NRG1: variants seen among roughly 807,000 people sequenced by gnomAD.
NRG1 encodes the protein pro-neuregulin-1, membrane-bound isoform.
A neutral mutation model predicts 63.8 loss-of-function variants in NRG1; 18 were observed. The observed-to-expected ratio is 0.28, with a 90% CI of 0.19 to 0.42. The LOEUF (loss-of-function observed/expected upper bound fraction) is 0.42, where lower values mean the gene tolerates loss of function less well. NRG1 is among the 10% of genes least tolerant of loss of function. The pLI, the probability that NRG1 is intolerant of heterozygous loss-of-function variation, is 1.00. For synonymous variants in NRG1, 302 were observed against 301.3 expected (o/e 1.00, Z -0.02); for missense variants, 762 against 814.7 (o/e 0.94, Z 0.79).
intron 5 of NRG1, among the ~76,000 whole-genome samples, chr8:32,702,365 C>T (rs955944980): frequency 1.3e-5 from 2 of 152,222 alleles, no homozygotes; most frequent in African/African-American, 4.8e-5. Context: ...TAAAATCACA[C>T]TTGTATGAAA....
chr8:32,217,444 C>A (rs1004075986), intron 1 of NRG1, among the ~76,000 whole-genome samples: 12 of 152,116 alleles, frequency 7.9e-5, no homozygotes, highest in African/African-American at 2.9e-4. Flanking sequence ...TTTCTCTAAG[C>A]CAAGAGCTGG....
chr8:32,429,126 G>A (rs571893150), intron 1 of NRG1, among the ~76,000 whole-genome samples: 19 of 152,114 alleles, frequency 1.2e-4, no homozygotes, highest in Non-Finnish European at 1.9e-4. Flanking sequence ...AATGAAGTAC[G>A]GTTTTTTTTT....
chr8:32,180,050 C>G (rs368914675), intron 1 of NRG1, among the ~76,000 whole-genome samples: 1 of 152,018 alleles, frequency 6.6e-6, no homozygotes, highest in South Asian at 2.1e-4. Context: ...TCTTTTCTTA[C>G]TCTTTTATTT....
At chr8:32,450,487 GC>G (rs1820817138) in intron 1 of NRG1, among the ~76,000 whole-genome samples, 1 of 152,198 alleles carries the variant, frequency 6.6e-6, no homozygotes, top group African/African-American at 2.4e-5. Context: ...CGCAATTACA[GC>G]TTACTGCAGC....
At chr8:31,816,044 T>C (rs1316613882) in intron 1 of NRG1, among the ~76,000 whole-genome samples, 2 of 152,228 alleles carry the variant, frequency 1.3e-5, no homozygotes, top group African/African-American at 4.8e-5. Context: ...AGGAGTTCTC[T>C]ATATATTCTG....
At chr8:32,464,279 A>ACCC (rs144963557) in intron 1 of NRG1, among the ~76,000 whole-genome samples, 154 of 86,646 alleles carry the variant, frequency 1.8e-3, no homozygotes, top group African/African-American at 6.5e-3. Context: ...ACTTATCCCC[A>ACCC]CCCCCCCCCA....
At chr8:32,258,950 T>C (rs374412411) in intron 1 of NRG1, among the ~76,000 whole-genome samples, 1 of 152,278 alleles carries the variant, frequency 6.6e-6, no homozygotes, top group African/African-American at 2.4e-5. Flanking sequence ...TTGGGCAATA[T>C]TAGCATCCAA....
intron 1 of NRG1, among the ~76,000 whole-genome samples, chr8:31,718,665 A>G (rs1476433602): frequency 6.6e-6 from 1 of 152,258 alleles, no homozygotes; most frequent in African/African-American, 2.4e-5. Context: ...CAGAGATATA[A>G]CATTTCAACA....
intron 1 of NRG1, among the ~76,000 whole-genome samples, chr8:32,470,836 T>C (rs1478528906): frequency 6.6e-6 from 1 of 152,124 alleles, no homozygotes; most frequent in Non-Finnish European, 1.5e-5. Context: ...GGTTTTGCTC[T>C]GTAACCCAGT....
rs181969714 is a variant in NRG1 at position 32,467,996 on chromosome 8, T to G, written c.38-127832T>G. Reference sequence around the variant, plus strand: ...CAACACAGAAGCCTCCAGGAAGCTGTCTTGTTGGCAGTCACCTACGAGCAG... The same window carrying G: ...CAACACAGAAGCCTCCAGGAAGCTGGCTTGTTGGCAGTCACCTACGAGCAG... On this transcript the variant is annotated intron_variant, in intron 1 of 10. Coordinates refer to the NRG1 transcript ENST00000519301. Among the ~76,000 whole-genome samples the G allele has an allele frequency of 2.6e-3, 394 of 152,244 alleles. 1 individual carries two copies. Among genetic ancestry groups the G allele is most frequent in the Admixed American group, 6.9e-3 (105 of 15,290 alleles).
At chr8:32,200,782 A>G (rs1401260228) in intron 1 of NRG1, among the ~76,000 whole-genome samples, 2 of 152,134 alleles carry the variant, frequency 1.3e-5, no homozygotes, top group Non-Finnish European at 2.9e-5. Flanking sequence ...TTTGCATTCC[A>G]TCACCTCCCT....
At position 31,947,306 on chromosome 8, in the gene NRG1, C is replaced by CAA. The variant is rs61713691; in HGVS notation, c.37+307900_37+307901dup. Reference sequence around the variant, plus strand: ...TGGGCGACAGAGTGAGACTCCGTCTCAAAAAAAAAAAAAAAAAAAAAAAAA... The same window carrying CAA: ...TGGGCGACAGAGTGAGACTCCGTCTCAAAAAAAAAAAAAAAAAAAAAAAAAAA... On this transcript the variant is annotated intron_variant, in intron 1 of 10. Coordinates refer to the NRG1 transcript ENST00000519301. 8.2e-4 allele frequency among the ~76,000 whole-genome samples: 109 copies of CAA among 132,674 alleles called. 3 individuals carry two copies. Among genetic ancestry groups the CAA allele is most frequent in the African/African-American group, 3.1e-3 (98 of 31,112 alleles). 87.0% of individuals were successfully genotyped at this position (132,674 alleles called of 152,430 possible).
intron 1 of NRG1, among the ~76,000 whole-genome samples, chr8:32,313,944 A>C (rs542192229): frequency 6.6e-5 from 10 of 152,150 alleles, no homozygotes; most frequent in Non-Finnish European, 1.3e-4. Flanking sequence ...CAAATGTTTT[A>C]CATTCTTTCT....
At chr8:32,027,619 GTTTTC>G (rs1284054599) in intron 1 of NRG1, among the ~76,000 whole-genome samples, 2 of 151,860 alleles carry the variant, frequency 1.3e-5, no homozygotes, top group African/African-American at 4.8e-5. Flanking sequence ...CATACTGTTT[GTTTTC>G]TTTACTTAAT....
chr8:32,371,988 C>CAT (rs1194038640), intron 1 of NRG1, among the ~76,000 whole-genome samples: 1 of 92,642 alleles, frequency 1.1e-5, no homozygotes, highest in Non-Finnish European at 2.3e-5. Flanking sequence ...TTTTCTTCTT[C>CAT]TTCATTTTTT....
chr8:31,800,248 T>C (rs1338083674), intron 1 of NRG1, among the ~76,000 whole-genome samples: 2 of 152,106 alleles, frequency 1.3e-5, no homozygotes, highest in Non-Finnish European at 2.9e-5. Flanking sequence ...TATTCTAATA[T>C]CCACAAATGT....
At chr8:32,611,208 C>T (rs1846308428) in intron 3 of NRG1, among the ~76,000 whole-genome samples, 1 of 151,888 alleles carries the variant, frequency 6.6e-6, no homozygotes, top group Non-Finnish European at 1.5e-5. Flanking sequence ...TTCAAGTTCC[C>T]ACAGGAGCAA....
intron 1 of NRG1, among the ~76,000 whole-genome samples, chr8:32,592,662 A>G (rs994709766): frequency 1.3e-5 from 2 of 152,184 alleles, no homozygotes; most frequent in Non-Finnish European, 2.9e-5. Flanking sequence ...TGATTTTATG[A>G]TAAAATGTTT....
chr8:31,661,342 G>T (rs1805972413), intron 1 of NRG1, among the ~76,000 whole-genome samples: 1 of 152,136 alleles, frequency 6.6e-6, no homozygotes, highest in South Asian at 2.1e-4. Context: ...TGAAGGTCTG[G>T]TCCTGGTCCT....
Sources: allele counts gnomAD v4.1 joint callset (sites outside exome capture counted in the v4.1 genomes callset), GRCh38; gene constraint gnomAD v4.1.1; transcripts MANE v1.5; gene names NCBI Gene and HGNC (gene_info 2026-07-23, HGNC 2026-07-21).